The following ABLIM2 variants were observed in gnomAD, a reference collection of about 807,000 sequenced individuals.
The protein encoded by ABLIM2 is actin-binding LIM protein 2.
A neutral mutation model predicts 97.7 loss-of-function variants in ABLIM2; 53 were observed. The ratio of observed to expected loss-of-function variants is 0.54; its 90% CI spans 0.44 to 0.68. The LOEUF is 0.68. Ranked by LOEUF, ABLIM2 falls within the 30% of genes least tolerant of loss-of-function variation. The probability of loss-of-function intolerance (pLI) is 0.00; values close to 1 mark genes in which losing one functional copy is unlikely to be tolerated. For missense variants in ABLIM2, 835 were observed against 867.2 expected (o/e 0.96, Z 0.47); for synonymous variants, 361 against 345.8 (o/e 1.04, Z -0.49).
intron 20 of ABLIM2, among the ~76,000 whole-genome samples, chr4:7,971,183 A>T (rs1160612023): frequency 1.3e-5 from 2 of 151,878 alleles, no homozygotes; most frequent in Non-Finnish European, 2.9e-5. Flanking sequence ...ATTCAATCTC[A>T]CTCAGGGCCA....
chr4:7,970,640 G>A lies in ABLIM2; in HGVS notation c.1825-3537C>T, dbSNP rs1425245665. 2.0e-5 allele frequency among the ~76,000 whole-genome samples: 3 copies of A among 151,962 alleles called. No individual in the cohort carries two copies. The highest frequency in any genetic ancestry group is 1.3e-4 in the Admixed American group (2 of 15,262). ...CAAGCAGGAAGGCTGGCAGGGTGTT[G>A]GGAGGTGGGTGTGGGAAGCAGAGGT... On this transcript the variant is annotated intron_variant, in intron 20 of 20. Transcript: ENST00000447017. This position sits in a 1 kb window ranked among gnomAD's most constrained non-coding sequence, Gnocchi z 5.3.
chr4:8,036,328 G>C (rs758211579), intron 9 of ABLIM2, 33 bp from the exon 10 acceptor site: 1 of 1,608,698 alleles, frequency 6.2e-7, no homozygotes, highest in Non-Finnish European at 8.5e-7. Context: ...GGAGGGGACA[G>C]TCACCAGATG....
chr4:7,972,720 C>G (rs915207956), intron 20 of ABLIM2, among the ~76,000 whole-genome samples: 4 of 152,186 alleles, frequency 2.6e-5, no homozygotes, highest in Non-Finnish European at 1.5e-5. Context: ...CTGCCTGCCA[C>G]TCTCCTGACT....
At chr4:8,010,416 G>A in intron 14 of ABLIM2, 1 of 985,910 alleles carries the variant, frequency 1.0e-6, no homozygotes, top group Non-Finnish European at 1.2e-6. Flanking sequence ...GACACGCCGA[G>A]GTGGGCTTCT....
chr4:8,031,817 C>T (rs533726264), intron 10 of ABLIM2, among the ~76,000 whole-genome samples: 12 of 151,830 alleles, frequency 7.9e-5, no homozygotes, highest in African/African-American at 2.4e-4. Flanking sequence ...CTCCGTCTTC[C>T]GGGTTCAAGC....
In ABLIM2 at chr4:8,072,442, C is replaced by T. The variant is rs1812891827; in HGVS notation, c.675+5186G>A. On this transcript the variant is annotated intron_variant, in intron 6 of 20. Coordinates refer to ENST00000447017, the MANE Select transcript of ABLIM2 (RefSeq NM_001130083.2). The surrounding 1 kb of genome is among the most constrained non-coding windows in gnomAD (Gnocchi z 5.8). ...GGCCAGGGCCTCTCTGGTGTGGGGGCTGCTGCCCATGGGTGTCAGAAACGC... is the reference window on the plus strand; with the variant it reads ...GGCCAGGGCCTCTCTGGTGTGGGGGTTGCTGCCCATGGGTGTCAGAAACGC... Among the ~76,000 whole-genome samples, 1 of 152,218 alleles carries T rather than the reference C, an allele frequency of 6.6e-6. No individual in the cohort carries two copies.
chr4:8,006,288 T>A (rs1761260282), intron 16 of ABLIM2, among the ~76,000 whole-genome samples: 1 of 152,156 alleles, frequency 6.6e-6, no homozygotes, highest in Non-Finnish European at 1.5e-5. Flanking sequence ...CCCCCTCTCT[T>A]AGTCCTGAGC....
At chr4:7,976,433 G>T (rs926288505) in intron 20 of ABLIM2, among the ~76,000 whole-genome samples, 10 of 152,332 alleles carry the variant, frequency 6.6e-5, no homozygotes, top group African/African-American at 2.4e-4. Flanking sequence ...AGCCACAGGG[G>T]TTGTTTTCAA....
At chr4:8,103,622 G>GT (rs995717944) in intron 2 of ABLIM2, among the ~76,000 whole-genome samples, 79 of 152,304 alleles carry the variant, frequency 5.2e-4, no homozygotes, top group African/African-American at 1.8e-3. Flanking sequence ...GTGATGGAGT[G>GT]TGAGTCCCCA....
At position 7,966,900 on chromosome 4, in the gene ABLIM2, G is replaced by A; in HGVS notation, c.*90C>T. ...ACCCCATGGACACAGAGAAGCCAGA[G>A]CAAGGTGTGTGGGAGGGGTGTGTGC... On this transcript the variant is annotated 3_prime_UTR_variant, in exon 21 of 21. Coordinates refer to ENST00000447017, the MANE Select transcript of ABLIM2 (RefSeq NM_001130083.2). 1 of 358,208 alleles carries A rather than the reference G, an allele frequency of 2.8e-6. No homozygotes were observed. The highest frequency in any genetic ancestry group is 5.3e-6 in the Non-Finnish European group (1 of 188,284). 22.2% of individuals were successfully genotyped at this position (358,208 alleles called of 1,614,324 possible).
rs938692011 is a variant in ABLIM2 at position 7,996,775 on chromosome 4, G to A, written c.1619-3848C>T. On this transcript the variant is annotated intron_variant, in intron 16 of 20. Coordinates refer to ENST00000447017, the MANE Select transcript of ABLIM2 (RefSeq NM_001130083.2). This position sits in a 1 kb window ranked among gnomAD's most constrained non-coding sequence, Gnocchi z 4.5. ...ATCTCACTGAACACAGGATTCATGC[G>A]GACAGTTCTGCTCTTTCAGCACGTG... Among the ~76,000 whole-genome samples, 5 of 152,136 alleles carry A rather than the reference G, an allele frequency of 3.3e-5. No homozygotes were observed. The highest frequency in any genetic ancestry group is 4.8e-5 in the African/African-American group (2 of 41,430).
chr4:7,978,193 G>C (rs754338686), intron 20 of ABLIM2, among the ~76,000 whole-genome samples: 1 of 152,088 alleles, frequency 6.6e-6, no homozygotes, highest in African/African-American at 2.4e-5. Flanking sequence ...TCTGGCTCAC[G>C]TCCCACTCTC....
chr4:7,984,957 G>A (rs941460069), intron 17 of ABLIM2, 64 bp from the exon 18 acceptor site: 3 of 1,553,408 alleles, frequency 1.9e-6, no homozygotes, highest in Non-Finnish European at 1.8e-6. Context: ...GGATGGGCAG[G>A]GACCAGGAGA....
intron 1 of ABLIM2, among the ~76,000 whole-genome samples, chr4:8,117,417 TCAGGCTCCACTCAC>T (rs1843250956): frequency 6.6e-6 from 1 of 150,970 alleles, no homozygotes; most frequent in Non-Finnish European, 1.5e-5. Flanking sequence ...TTCTCCTGCT[TCAGGCTCCACTCAC>T]CAGACTCCAC....
rs773046424 is a variant in ABLIM2 at position 8,077,712 on chromosome 4, C to T, written c.591G>A (p.Leu197=). The part of the protein sequence containing the change: ...LNAEYISKDG[L]PYCEADYHAK... ...CGTGATAGTCAGCTTCGCAGTAGGG[C>T]AGCCCATCCCTGCAATGAGACAGGC... Residue 197 remains leucine, a synonymous_variant, in exon 6 of 21, where the codon CTG becomes CTA. Coordinates refer to ENST00000447017, the MANE Select transcript of ABLIM2 (RefSeq NM_001130083.2). 8 of 1,611,532 alleles carry T rather than the reference C, an allele frequency of 5.0e-6. No homozygotes were observed. In the South Asian group the frequency reaches 8.8e-5, roughly 18 times the overall value.
chr4:8,108,878 G>A (rs1331281727), intron 1 of ABLIM2, among the ~76,000 whole-genome samples: 1 of 152,248 alleles, frequency 6.6e-6, no homozygotes, highest in East Asian at 1.9e-4. Flanking sequence ...CCCTGTCTTG[G>A]TCTGGGTTCC....
chr4:8,097,786 G>A (rs1452850261), intron 2 of ABLIM2, among the ~76,000 whole-genome samples: 2 of 152,076 alleles, frequency 1.3e-5, no homozygotes, highest in South Asian at 2.1e-4. Flanking sequence ...CCACCTCTAG[G>A]CTTCCCACCC....
intron 18 of ABLIM2, 121 bp from the exon 19 acceptor site, chr4:7,983,675 G>A: frequency 8.1e-7 from 1 of 1,237,230 alleles, no homozygotes; most frequent in Non-Finnish European, 1.2e-6. Context: ...CCTGGGCCAT[G>A]CATGGTCCCC....
intron 1 of ABLIM2, among the ~76,000 whole-genome samples, chr4:8,141,905 C>T (rs1313217025): frequency 3.3e-5 from 5 of 152,242 alleles, no homozygotes; most frequent in Non-Finnish European, 7.3e-5. Context: ...ATACATGCAC[C>T]CTGGATCTGA....
Sources: allele counts gnomAD v4.1 joint callset (sites outside exome capture counted in the v4.1 genomes callset), GRCh38; gene constraint gnomAD v4.1.1; non-coding constraint Gnocchi (gnomAD v3.1); transcripts MANE v1.5; gene names NCBI Gene and HGNC (gene_info 2026-07-23, HGNC 2026-07-21).